PCDH17: variants seen among roughly 807,000 people sequenced by gnomAD.
PCDH17 encodes the protein protocadherin-17.
A neutral mutation model predicts 67.7 loss-of-function variants in PCDH17; 21 were observed. The observed-to-expected ratio is 0.31, with a 90% confidence interval of 0.22 to 0.45. The LOEUF (loss-of-function observed/expected upper bound fraction) is 0.45, where lower values mean the gene tolerates loss of function less well. Ranked by LOEUF, PCDH17 falls within the 20% of genes least tolerant of loss-of-function variation. The pLI is 1.00. For synonymous variants in PCDH17, 701 were observed against 656.7 expected (o/e 1.07, Z -1.03); for missense variants, 1,471 against 1,564.8 (o/e 0.94, Z 1.01).
chr13:57,700,145 A>G (rs4415913), intron 3 of PCDH17, among the ~76,000 whole-genome samples: 9,629 of 152,192 alleles, frequency 0.063, 340 homozygotes, highest in Middle Eastern at 0.099. Context: ...AGAGATACAT[A>G]AAGTGTGGGA....
upstream of PCDH17, among the ~76,000 whole-genome samples, chr13:57,630,957 TC>T (rs1005187915): frequency 6.6e-6 from 1 of 151,946 alleles, no homozygotes; most frequent in African/African-American, 2.4e-5. Context: ...GTGTCTAACA[TC>T]CCCTCGGAGG....
At chr13:57,721,729 ACT>A (rs1388271614) in intron 3 of PCDH17, among the ~76,000 whole-genome samples, 3 of 149,572 alleles carry the variant, frequency 2.0e-5, no homozygotes, top group Non-Finnish European at 3.0e-5. Flanking sequence ...CCCTTGCCTC[ACT>A]CTCATTCTCG....
intron 1 of PCDH17, among the ~76,000 whole-genome samples, chr13:57,637,612 T>G (rs567513092): frequency 9.9e-5 from 15 of 152,110 alleles, no homozygotes; most frequent in African/African-American, 3.4e-4. Flanking sequence ...GAAGGTAGAA[T>G]TTTAATCCAC....
chr13:57,647,208 A>G (rs1954975547), intron 1 of PCDH17, among the ~76,000 whole-genome samples: 2 of 151,840 alleles, frequency 1.3e-5, no homozygotes, highest in Non-Finnish European at 3.0e-5. Context: ...CAAACCTTAT[A>G]ATCTAAAAAC....
rs147318879 is a variant in PCDH17 at position 57,710,982 on chromosome 13, GCA to G, written c.2798-13615_2798-13614del. On this transcript the variant is annotated intron_variant, in intron 3 of 3. Coordinates refer to ENST00000377918, the MANE Select transcript of PCDH17 (RefSeq NM_001040429.3). ...CAAGTGTGTCAGTGTGCATGTGCATGCACACACACACACACATATGTAAGGTC... is the reference window on the plus strand; with the variant it reads ...CAAGTGTGTCAGTGTGCATGTGCATGCACACACACACACATATGTAAGGTC... Among the ~76,000 whole-genome samples the G allele has an allele frequency of 2.1e-4, 31 of 150,456 alleles. No homozygotes were observed. In the East Asian group the frequency reaches 2.7e-3, roughly 13 times the overall value.
At chr13:57,702,652 G>A (rs1038000091) in intron 3 of PCDH17, among the ~76,000 whole-genome samples, 4 of 152,106 alleles carry the variant, frequency 2.6e-5, no homozygotes, top group Admixed American at 2.0e-4. Context: ...TAGAGTCAAA[G>A]GATAGTAGAT....
chr13:57,643,642 A>C (rs1355236674), intron 1 of PCDH17, among the ~76,000 whole-genome samples: 5 of 151,644 alleles, frequency 3.3e-5, no homozygotes, highest in African/African-American at 1.2e-4. Flanking sequence ...TGTGAATAAG[A>C]GCAGTTATAA....
intron 3 of PCDH17, among the ~76,000 whole-genome samples, chr13:57,723,709 A>G (rs1403587243): frequency 1.3e-5 from 2 of 152,216 alleles, no homozygotes; most frequent in African/African-American, 4.8e-5. Flanking sequence ...ATGGTTTAAA[A>G]TATTGGGGTC....
chr13:57,645,513 G>C (rs1173723044), intron 1 of PCDH17, among the ~76,000 whole-genome samples: 1 of 151,484 alleles, frequency 6.6e-6, no homozygotes, highest in Non-Finnish European at 1.5e-5. Flanking sequence ...TAATTTATTT[G>C]AATGTGGCAT....
Position 57,633,907 on chromosome 13 carries a change from C to T in PCDH17, c.1361C>T (p.Ser454Phe). The T allele has an allele frequency of 6.2e-7, 1 of 1,613,316 alleles. No individual in the cohort carries two copies. Among genetic ancestry groups the T allele is most frequent in the Non-Finnish European group, 8.5e-7 (1 of 1,180,032 alleles). Residue 454 changes from serine (S) to phenylalanine (F), a missense_variant, in exon 1 of 4, where the codon TCC becomes TTC. By Grantham distance (155) the Ser-to-Phe change is radical (BLOSUM62 -2). Transcript: ENST00000377918. This position sits in a 1 kb window ranked among gnomAD's most constrained non-coding sequence, Gnocchi z 6.2. The stretch of plus-strand genomic sequence containing the variant: ...GACGGGGGCTCTCCTCCCCTCAACT[C>T]CACCAAGTCGTTCGCGATCAAGATT... ...ARDGGSPPLN[S>F]TKSFAIKILD...
chr13:57,698,895 G>A (rs944580158), intron 3 of PCDH17, among the ~76,000 whole-genome samples: 1 of 151,646 alleles, frequency 6.6e-6, no homozygotes, highest in Admixed American at 6.6e-5. Context: ...TAAAATATTA[G>A]CTATTTTATG....
intron 3 of PCDH17, among the ~76,000 whole-genome samples, chr13:57,674,933 C>T (rs952213904): frequency 2.0e-5 from 3 of 151,888 alleles, no homozygotes; most frequent in African/African-American, 7.2e-5. Context: ...CAGACAGTTT[C>T]CATTGAGTCT....
chr13:57,668,811 G>T (rs997642915), intron 3 of PCDH17, among the ~76,000 whole-genome samples: 2 of 151,952 alleles, frequency 1.3e-5, no homozygotes, highest in Non-Finnish European at 2.9e-5. Flanking sequence ...ATGTGTAAAA[G>T]ACTGGCTTCC....
chr13:57,633,891 TCTC>T lies in PCDH17; in HGVS notation c.1350_1352del (p.Pro451del). On this transcript the variant is annotated inframe_deletion, in exon 1 of 4. Transcript: ENST00000377918. The surrounding 1 kb of genome is among the most constrained non-coding windows in gnomAD (Gnocchi z 6.2). Reference sequence around the variant, plus strand: ...GACCATCGTGGCGCGGGACGGGGGCTCTCCTCCCCTCAACTCCACCAAGTCGTT... The same window carrying T: ...GACCATCGTGGCGCGGGACGGGGGCTCTCCCCTCAACTCCACCAAGTCGTT... The T allele has an allele frequency of 1.2e-6, 2 of 1,612,992 alleles. No individual in the cohort carries two copies. Among genetic ancestry groups the T allele is most frequent in the South Asian group, 1.1e-5 (1 of 91,072 alleles).
At chr13:57,652,246 C>T (rs1248713526) in intron 1 of PCDH17, among the ~76,000 whole-genome samples, 2 of 146,836 alleles carry the variant, frequency 1.4e-5, no homozygotes, top group East Asian at 4.1e-4. Context: ...CCACTGCAGT[C>T]CGCAGTCCGG....
chr13:57,705,321 A>G (rs1050829352), intron 3 of PCDH17, among the ~76,000 whole-genome samples: 2 of 152,066 alleles, frequency 1.3e-5, no homozygotes, highest in Non-Finnish European at 2.9e-5. Context: ...AATATGAAAT[A>G]TTTTTAATGT....
chr13:57,714,289 A>C (rs1955800596), intron 3 of PCDH17, among the ~76,000 whole-genome samples: 1 of 151,716 alleles, frequency 6.6e-6, no homozygotes, highest in Admixed American at 6.6e-5. Context: ...AAACTGGTAA[A>C]TAGATATACA....
chr13:57,632,781 G>T lies in PCDH17; in HGVS notation c.235G>T (p.Ala79Ser), dbSNP rs971267130. 4 of 1,613,064 alleles carry T rather than the reference G, an allele frequency of 2.5e-6. No homozygotes were observed. The highest frequency in any genetic ancestry group is 3.4e-6 in the Non-Finnish European group (4 of 1,179,928). Residue 79 changes from alanine (A) to serine (S), a missense_variant, in exon 1 of 4, where the codon GCA becomes TCA. Physicochemically the swap from Ala to Ser is moderately conservative, Grantham distance 99. Transcript: ENST00000377918. ...NSAPHLLDVDADSGLLYTKQR... is the reference protein window; with the variant it reads ...NSAPHLLDVDSDSGLLYTKQR... ...CGCACCGCACCTGCTGGACGTGGAC[G>T]CAGACAGCGGGCTCCTCTACACCAA...
In PCDH17 at chr13:57,633,129, C is replaced by A; in HGVS notation, c.583C>A (p.Leu195Met). 1 of 1,613,610 alleles carries A rather than the reference C, an allele frequency of 6.2e-7. No homozygotes were observed. Among genetic ancestry groups the A allele is most frequent in the Non-Finnish European group, 8.5e-7 (1 of 1,180,008 alleles). The stretch of plus-strand genomic sequence containing the variant: ...CGGCGACGGCACCAAGTTCCCAGAA[C>A]TGGTCATCCAGAAGGCTCTGGACCG... Reference protein sequence around the residue: ...SRGDGTKFPELVIQKALDREQ... With the variant: ...SRGDGTKFPEMVIQKALDREQ... Residue 195 changes from leucine to methionine, a missense_variant, in exon 1 of 4, where the codon CTG becomes ATG. By Grantham distance (15) the Leu-to-Met change is conservative. Around this residue, in one of 3 missense-constraint regions of PCDH17, gnomAD observed 1,163 missense variants for 1,230.0 expected, o/e 0.95. Transcript: ENST00000377918. This position sits in a 1 kb window ranked among gnomAD's most constrained non-coding sequence, Gnocchi z 6.2.
Sources: allele counts gnomAD v4.1 joint callset (sites outside exome capture counted in the v4.1 genomes callset), GRCh38; gene constraint gnomAD v4.1.1; regional missense constraint gnomAD v4.1.1; non-coding constraint Gnocchi (gnomAD v3.1); transcripts MANE v1.5; gene names NCBI Gene and HGNC (gene_info 2026-07-23, HGNC 2026-07-21).